DGKB: variants seen among roughly 807,000 people sequenced by gnomAD.
DGKB encodes 90 kDa diacylglycerol kinase.
Under a neutral mutation model 114.3 loss-of-function variants are expected in DGKB, and 67 were observed. The ratio of observed to expected loss-of-function variants is 0.59; its 90% CI spans 0.48 to 0.72. The LOEUF is 0.72. Among genes scored for constraint, DGKB ranks in the 30% least tolerant of loss-of-function variants. The pLI is 0.00. For missense variants in DGKB, 907 were observed against 975.2 expected (o/e 0.93, Z 0.93); for synonymous variants, 398 against 323.1 (o/e 1.23, Z -2.49).
intron 2 of DGKB, among the ~76,000 whole-genome samples, chr7:14,777,415 G>T (rs1055913293): frequency 7.2e-5 from 11 of 152,112 alleles, no homozygotes; most frequent in Middle Eastern, 3.2e-3. Flanking sequence ...ATCTTGAATT[G>T]TAGTTTCCAT....
Position 14,147,291 on chromosome 7 carries a change from C to A in DGKB, c.*1840G>T, listed in dbSNP as rs1284520451. ...AATTTGCAATTGTAATCATAATTTT[C>A]CTGGGAATGCTAAATTATGTCTTAA... On this transcript the variant is annotated 3_prime_UTR_variant, in exon 26 of 26. Transcript: ENST00000402815. 6.6e-6 allele frequency: 1 copy of A among 152,048 alleles called. No homozygotes were observed. The highest frequency in any genetic ancestry group is 1.5e-5 in the Non-Finnish European group (1 of 67,988). 9.4% of individuals were successfully genotyped at this position (152,048 alleles called of 1,614,324 possible).
rs372468827 is a variant in DGKB, at chr7:14,177,381, C to T, written c.2244-482G>A. ...ACCAGCCTGACCAACATGGTGAAAC[C>T]CCATCTGTACTAAAAATACAAAAAT... On this transcript the variant is annotated intron_variant, in intron 24 of 25. Coordinates refer to ENST00000402815, the MANE Select transcript of DGKB (RefSeq NM_001350709.2). Among the ~76,000 whole-genome samples, 7 of 151,636 alleles carry T rather than the reference C, an allele frequency of 4.6e-5. No homozygotes were observed. In the East Asian group the frequency reaches 9.7e-4, roughly 21 times the overall value.
In DGKB at chr7:14,149,147, T is replaced by C; in HGVS notation, c.2396A>G (p.Asn799Ser). Residue 799 changes from asparagine to serine, a missense_variant, in exon 26 of 26, where the codon AAC becomes AGC. This residue lies in a region of DGKB where 58 missense variants were observed against 52.5 expected (regional missense o/e 1.10). Transcript: ENST00000402815. ...LFCSLVKRTR[N>S]RSKE ...AACACAGGATTATTCCTTGCTTCGG[T>C]TTCTTGTCCTTTTGACGAGGGAGCA... 6.2e-7 allele frequency: 1 copy of C among 1,613,526 alleles called. No homozygotes were observed. The highest frequency in any genetic ancestry group is 8.5e-7 in the Non-Finnish European group (1 of 1,179,516).
chr7:14,575,403 G>A (rs1381333614), intron 19 of DGKB, among the ~76,000 whole-genome samples: 1 of 152,056 alleles, frequency 6.6e-6, no homozygotes, highest in Non-Finnish European at 1.5e-5. Context: ...TAAAAGTCTT[G>A]TCAATATTAC....
chr7:14,887,410 C>T (rs1013601963), intron 1 of DGKB, among the ~76,000 whole-genome samples: 5 of 151,720 alleles, frequency 3.3e-5, no homozygotes, highest in African/African-American at 9.7e-5. Flanking sequence ...TCTACCTCTT[C>T]TCTATTGCAA....
intron 13 of DGKB, among the ~76,000 whole-genome samples, chr7:14,636,136 C>T (rs765374199): frequency 6.6e-6 from 1 of 151,696 alleles, no homozygotes. Flanking sequence ...TCTGTACTCA[C>T]GTTAGGCTAA....
intron 25 of DGKB, among the ~76,000 whole-genome samples, chr7:14,164,757 G>T (rs1022949551): frequency 1.3e-5 from 2 of 151,906 alleles, no homozygotes; most frequent in African/African-American, 2.4e-5. Flanking sequence ...TTAACTTTTT[G>T]GGGGGGTATA....
In DGKB at chr7:14,237,227, A is replaced by G. The variant is rs188625907; in HGVS notation, c.2123-59076T>C. Among the ~76,000 whole-genome samples, 17 of 152,120 alleles carry G rather than the reference A, an allele frequency of 1.1e-4. No homozygotes were observed. The East Asian group carries it at 2.9e-3, about 26-fold the overall frequency. On this transcript the variant is annotated intron_variant, in intron 23 of 25. Transcript: ENST00000402815. ...GTATTTATATGCATATATATTATTT[A>G]TGTATAAATGTGAAGGTGAAATTGA...
intron 23 of DGKB, among the ~76,000 whole-genome samples, chr7:14,228,882 T>TCTGTGTGTGTGTGTG (rs1554296427): frequency 1.5e-5 from 1 of 67,718 alleles, no homozygotes. Context: ...TCAGTTTTTT[T>TCTGTGTGTGTGTGTG]TCTGTGTGTG....
chr7:14,760,570 A>G (rs1835538019), intron 2 of DGKB, among the ~76,000 whole-genome samples: 2 of 152,114 alleles, frequency 1.3e-5, no homozygotes, highest in South Asian at 2.1e-4. Context: ...CTTTTTATCC[A>G]TAATCGTAGA....
chr7:14,505,892 G>A (rs1388613377), intron 20 of DGKB, among the ~76,000 whole-genome samples: 1 of 152,050 alleles, frequency 6.6e-6, no homozygotes, highest in African/African-American at 2.4e-5. Flanking sequence ...CAAAGGCAGG[G>A]CAACATTCTT....
At chr7:14,342,143 C>G (rs1029529053) in intron 22 of DGKB, among the ~76,000 whole-genome samples, 3 of 151,708 alleles carry the variant, frequency 2.0e-5, no homozygotes, top group African/African-American at 7.3e-5. Flanking sequence ...GTTTTTGATG[C>G]TAGTCATGCC....
At chr7:14,627,954 A>AAAC (rs1554555746) in intron 14 of DGKB, among the ~76,000 whole-genome samples, 3 of 91,508 alleles carry the variant, frequency 3.3e-5, no homozygotes, top group African/African-American at 1.0e-4. Context: ...AAAAAACAAA[A>AAAC]AAAAAAAACA....
intron 23 of DGKB, among the ~76,000 whole-genome samples, chr7:14,239,668 C>G (rs1793355313): frequency 6.6e-6 from 1 of 152,024 alleles, no homozygotes; most frequent in Non-Finnish European, 1.5e-5. Flanking sequence ...CAATGGATCT[C>G]TGAGCCTGGA....
chr7:14,149,019 C>G lies in DGKB; in HGVS notation c.*112G>C, dbSNP rs1781783358. The stretch of plus-strand genomic sequence containing the variant: ...CTTAGTAACAAAAACTGTTAAACCA[C>G]TTCCATGATTTTGCATGAGCAGGAG... On this transcript the variant is annotated 3_prime_UTR_variant, in exon 26 of 26. Coordinates refer to ENST00000402815, the MANE Select transcript of DGKB (RefSeq NM_001350709.2). The G allele has an allele frequency of 1.1e-6, 1 of 945,430 alleles. No individual in the cohort carries two copies. The allele number at this position is 945,430 out of a possible 1,614,324, so 58.6% of individuals were successfully genotyped here. A position where few individuals can be genotyped will look rare whatever the true frequency, so the allele number is the denominator to read the frequency against.
At chr7:14,692,093 C>CTT (rs1266163217) in intron 9 of DGKB, among the ~76,000 whole-genome samples, 1 of 151,754 alleles carries the variant, frequency 6.6e-6, no homozygotes, top group African/African-American at 2.4e-5. Flanking sequence ...TTTGTGGACT[C>CTT]TATTACCTGT....
intron 2 of DGKB, among the ~76,000 whole-genome samples, chr7:14,836,365 T>C (rs1490075787): frequency 1.3e-5 from 2 of 152,178 alleles, no homozygotes; most frequent in African/African-American, 4.8e-5. Context: ...AACATAGTAT[T>C]TTTCGAAAAT....
At chr7:14,874,793 C>T (rs10231098) in intron 1 of DGKB, among the ~76,000 whole-genome samples, 53 of 152,148 alleles carry the variant, frequency 3.5e-4, no homozygotes, top group African/African-American at 1.2e-3. Context: ...CAAATCAATT[C>T]CCCCACACAG....
chr7:14,869,343 T>G (rs549566521), intron 1 of DGKB, among the ~76,000 whole-genome samples: 20 of 152,282 alleles, frequency 1.3e-4, no homozygotes, highest in Non-Finnish European at 2.8e-4. Context: ...ATTATACACT[T>G]AAGGTTTAAC....
Sources: allele counts gnomAD v4.1 joint callset (sites outside exome capture counted in the v4.1 genomes callset), GRCh38; gene constraint gnomAD v4.1.1; regional missense constraint gnomAD v4.1.1; transcripts MANE v1.5; gene names NCBI Gene and HGNC (gene_info 2026-07-23, HGNC 2026-07-21).